Variants in TDP1 observed in about 807,000 individuals in gnomAD.
The protein encoded by TDP1 is tyrosyl-DNA phosphodiesterase 1.
TDP1 carries 64 observed loss-of-function variants against 81.5 expected under a neutral mutation model. The ratio of observed to expected loss-of-function variants is 0.79; its 90% CI spans 0.64 to 0.97. The LOEUF (loss-of-function observed/expected upper bound fraction) is 0.97. Among genes scored for constraint, TDP1 ranks in the 50% least tolerant of loss-of-function variants. The probability of loss-of-function intolerance (pLI) is 0.00; values close to 1 mark genes in which losing one functional copy is unlikely to be tolerated. For missense variants in TDP1, 723 were observed against 743.8 expected (o/e 0.97, Z 0.33); for synonymous variants, 256 against 264.3 (o/e 0.97, Z 0.30).
intron 15 of TDP1, 141 bp downstream of exon 15, chr14:90,019,559 G>A (rs979661436): frequency 7.2e-6 from 5 of 689,952 alleles, no homozygotes; most frequent in African/African-American, 5.3e-5. Flanking sequence ...ACTCTTAACC[G>A]CTGGTCTGTA....
intron 8 of TDP1, 132 bp downstream of exon 8, chr14:89,980,764 T>A: frequency 1.3e-6 from 1 of 778,738 alleles, no homozygotes; most frequent in Non-Finnish European, 2.1e-6. Flanking sequence ...AGAAAAAGAG[T>A]TGTATGCAGA....
intron 6 of TDP1, 111 bp downstream of exon 6, chr14:89,971,382 A>G: frequency 1.3e-6 from 1 of 783,188 alleles, no homozygotes. Flanking sequence ...AGCATCAGTC[A>G]TCAATAGATA....
intron 8 of TDP1, chr14:89,983,193 G>T: frequency 2.2e-6 from 1 of 454,850 alleles, no homozygotes; most frequent in East Asian, 7.0e-5. Flanking sequence ...GCAAGGGGAG[G>T]TCCTCCACGT....
intron 4 of TDP1, chr14:89,967,074 A>G (rs1227050926): frequency 1.0e-6 from 1 of 985,214 alleles, no homozygotes; most frequent in Non-Finnish European, 1.2e-6. Context: ...GCCATTAGAC[A>G]TAATGTAATA....
Position 89,962,438 on chromosome 14 carries a change from G to A in TDP1, c.-7-670G>A, listed in dbSNP as rs527578012. ...ATTTGACCTTAAGCATTTGAACATA[G>A]ATTAAATGGACCTTAATCCCAAACG... On this transcript the variant is annotated intron_variant, in intron 2 of 16. Transcript: ENST00000335725. Among the ~76,000 whole-genome samples, 8 of 152,294 alleles carry A rather than the reference G, an allele frequency of 5.3e-5. No individual in the cohort carries two copies. In the South Asian group the frequency reaches 1.7e-3, roughly 32 times the overall value.
At chr14:89,994,231 A>C (rs149371757) in intron 14 of TDP1, among the ~76,000 whole-genome samples, 1 of 152,350 alleles carries the variant, frequency 6.6e-6, no homozygotes, top group Admixed American at 6.5e-5. Context: ...AACAGCACTC[A>C]TGAACAAACT....
chr14:90,043,508 T>G lies in TDP1; in HGVS notation c.*365T>G, dbSNP rs767086354. On this transcript the variant is annotated 3_prime_UTR_variant, in exon 17 of 17. Transcript: ENST00000335725. The stretch of plus-strand genomic sequence containing the variant: ...ATAGCATAATGAGATATCTTGGGAA[T>G]GGGACCCAAATCTAAACACAAAATT... The G allele has an allele frequency of 1.0e-4, 35 of 346,858 alleles. 1 individual carries two copies. Among genetic ancestry groups the G allele is most frequent in the Non-Finnish European group, 5.4e-6 (1 of 184,914 alleles). The allele number at this position is 346,858 out of a possible 1,614,324, so 21.5% of individuals were successfully genotyped here.
chr14:90,014,833 TA>T (rs1445699820), intron 14 of TDP1, among the ~76,000 whole-genome samples: 1 of 152,216 alleles, frequency 6.6e-6, no homozygotes, highest in African/African-American at 2.4e-5. Flanking sequence ...CTGTTCCCAT[TA>T]CCAAAGTTCA....
chr14:89,984,284 C>T, intron 8 of TDP1: 2 of 985,298 alleles, frequency 2.0e-6, no homozygotes, highest in South Asian at 9.4e-5. Context: ...TGGGCAGAGC[C>T]CAGGTCTTAC....
At chr14:89,977,304 A>AT (rs1009327117) in intron 7 of TDP1, among the ~76,000 whole-genome samples, 123 of 151,060 alleles carry the variant, frequency 8.1e-4, no homozygotes, top group African/African-American at 2.5e-3. Context: ...TTAAAAAAAA[A>AT]TTTTTTTTTT....
intron 16 of TDP1, among the ~76,000 whole-genome samples, chr14:90,035,866 C>G (rs903437952): frequency 6.6e-6 from 1 of 150,744 alleles, no homozygotes; most frequent in Non-Finnish European, 1.5e-5. Context: ...TGGCTGGATT[C>G]CACCCCCTTC....
At chr14:90,027,745 T>C (rs1471499537) in intron 15 of TDP1, among the ~76,000 whole-genome samples, 1 of 152,200 alleles carries the variant, frequency 6.6e-6, no homozygotes, top group Admixed American at 6.5e-5. Context: ...GCCTCCTTAT[T>C]CTACTTCCGT....
At chr14:89,969,898 G>A (rs35151660) in intron 5 of TDP1, among the ~76,000 whole-genome samples, 12,850 of 133,968 alleles carry the variant, frequency 0.096, 1,597 homozygotes, top group African/African-American at 0.31. Flanking sequence ...TTTTTTTGAG[G>A]CGGAGTCTCG....
intron 3 of TDP1, among the ~76,000 whole-genome samples, chr14:89,963,943 A>G (rs1451125505): frequency 1.3e-5 from 2 of 152,214 alleles, no homozygotes; most frequent in African/African-American, 4.8e-5. Context: ...TTTTAAGATG[A>G]AGCTTGATGA....
At chr14:90,021,417 C>T (rs913573799) in intron 15 of TDP1, among the ~76,000 whole-genome samples, 2 of 152,170 alleles carry the variant, frequency 1.3e-5, no homozygotes, top group Admixed American at 6.5e-5. Context: ...ATAAATTCCA[C>T]ATCACTCCTG....
chr14:90,012,837 G>C (rs1884871394), intron 14 of TDP1, among the ~76,000 whole-genome samples: 1 of 152,138 alleles, frequency 6.6e-6, no homozygotes, highest in East Asian at 2.0e-4. Context: ...CAGCCAAGAA[G>C]GGGGGCTATG....
intron 3 of TDP1, chr14:89,964,828 ATATTTTC>A: frequency 2.3e-6 from 1 of 433,918 alleles, no homozygotes; most frequent in Middle Eastern, 3.5e-4. Context: ...GCTCTTACAT[ATATTTTC>A]TCCTTTAATC....
At chr14:89,998,372 TTATATATATATATATATATATATATA>T (rs58264054) in intron 14 of TDP1, among the ~76,000 whole-genome samples, 1,359 of 53,138 alleles carry the variant, frequency 0.026, 42 homozygotes, top group South Asian at 0.08. Flanking sequence ...TCCAAGCACA[TTATATATATATATATATATATATATA>T]TATATATATA....
intron 12 of TDP1, among the ~76,000 whole-genome samples, chr14:89,990,030 T>C (rs8009940): frequency 0.021 from 3,123 of 152,280 alleles, 99 homozygotes; most frequent in African/African-American, 0.071. Flanking sequence ...CCAGACAAGA[T>C]AGCCAAATAA....
Sources: gnomAD v4.1 joint callset for allele counts (sites outside exome capture counted in the v4.1 genomes callset) on GRCh38, gnomAD v4.1.1 for gene constraint, MANE v1.5 for transcripts, NCBI Gene and HGNC (gene_info 2026-07-23, HGNC 2026-07-21) for gene names.